Variants in HMG20B observed in about 807,000 individuals in gnomAD.
HMG20B encodes SWI/SNF-related matrix-associated actin-dependent regulator of chromatin subfamily E member 1-related.
Under a neutral mutation model 41.6 loss-of-function variants are expected in HMG20B, and 24 were observed. The ratio of observed to expected loss-of-function variants is 0.58; its 90% CI spans 0.42 to 0.81. HMG20B has a LOEUF of 0.81. Ranked by LOEUF, HMG20B falls within the 30% of genes least tolerant of loss-of-function variation. The pLI is 0.00. For synonymous variants in HMG20B, 251 were observed against 186.6 expected, an observed-to-expected ratio of 1.34 and a Z score of -2.81; for missense variants, 461 against 444.0, an observed-to-expected ratio of 1.04 and a Z score of -0.34.
chr19:3,578,861 C>G lies in HMG20B; in HGVS notation c.*340C>G, dbSNP rs969587304. The G allele has an allele frequency of 1.7e-6, 1 of 593,636 alleles. No homozygotes were observed. Among genetic ancestry groups the G allele is most frequent in the Non-Finnish European group, 3.2e-6 (1 of 315,042 alleles). The allele number at this position is 593,636 out of a possible 1,614,324, so 36.8% of individuals were successfully genotyped here. A position where few individuals can be genotyped will look rare whatever the true frequency, so the allele number is the denominator to read the frequency against. Reference sequence around the variant, plus strand: ...AACCCACCCCCAGCACACGGCAGGACCCCCCAAATTACTCACTACGGGGGG... The same window carrying G: ...AACCCACCCCCAGCACACGGCAGGAGCCCCCAAATTACTCACTACGGGGGG... On this transcript the variant is annotated 3_prime_UTR_variant, in exon 10 of 10. Coordinates refer to ENST00000333651, the MANE Select transcript of HMG20B (RefSeq NM_006339.3).
intron 7 of HMG20B, 84 bp from the exon 8 acceptor site, chr19:3,576,808 C>G: frequency 2.7e-6 from 4 of 1,464,458 alleles, no homozygotes; most frequent in Non-Finnish European, 2.8e-6. Context: ...TGAGGGAAAC[C>G]TGGGCAGGGG....
At chr19:3,578,444 C>A in intron 9 of HMG20B, 65 bp from the exon 10 acceptor site, 2 of 1,461,844 alleles carry the variant, frequency 1.4e-6, no homozygotes, top group South Asian at 2.9e-5. Context: ...CTGGGGTTCC[C>A]CAGGGCCGGG....
Position 3,578,023 on chromosome 19 carries a change from T to C in HMG20B, c.851T>C (p.Met284Thr), listed in dbSNP as rs1363664621. Residue 284 changes from methionine (M) to threonine (T), a missense_variant, in exon 9 of 10, where the codon ATG becomes ACG. Met to Thr is a moderately conservative substitution (Grantham distance 81, BLOSUM62 -1). Transcript: ENST00000333651. ...ACGCTGGGCACTCTGGACTTCTACA[T>C]GGCCCGGCTTCACGGAGCCATCGAG... ...TPTLGTLDFY[M>T]ARLHGAIERD... is the part of the protein sequence containing the mutation. 1 of 1,608,688 alleles carries C rather than the reference T, an allele frequency of 6.2e-7. No individual in the cohort carries two copies. Among genetic ancestry groups the C allele is most frequent in the East Asian group, 2.2e-5 (1 of 44,728 alleles).
chr19:3,578,509 C>G lies in HMG20B; in HGVS notation c.942C>G (p.Ser314Arg). The G allele has an allele frequency of 6.4e-7, 1 of 1,551,994 alleles. No individual in the cohort carries two copies. ...CCCGGGCCCTCCTCTCTCGTTTCAG[C>G]GAGCACCTGTGAGGAGTGGGCGGGC... is the stretch of plus-strand genomic sequence containing the variant. ...RIKEILAQVA[S>R]EHL Residue 314 changes from serine to arginine, a missense_variant and splice_region_variant, in exon 10 of 10, where the codon AGC becomes AGG. Ser to Arg is a moderately radical substitution (Grantham distance 110). Around this residue, in one of 3 missense-constraint regions of HMG20B, gnomAD observed 308 missense variants for 283.4 expected, o/e 1.09. Transcript: ENST00000333651.
intron 9 of HMG20B, 28 bp from the exon 10 acceptor site, chr19:3,578,481 C>T: frequency 6.6e-7 from 1 of 1,512,588 alleles, no homozygotes; most frequent in Non-Finnish European, 8.8e-7. Flanking sequence ...ATGAGGGCCT[C>T]ATCCCGGGCC....
chr19:3,575,535 C>T lies in HMG20B; in HGVS notation c.352-5C>T. The stretch of plus-strand genomic sequence containing the variant: ...TGCTTCAAGCCTTCTGGTGCTGCCC[C>T]CCAGCGGTACCTGGATGAGGCCGAG... On this transcript the variant is annotated splice_polypyrimidine_tract_variant and splice_region_variant and intron_variant, in intron 4 of 9. Coordinates refer to ENST00000333651, the MANE Select transcript of HMG20B (RefSeq NM_006339.3). 3 of 1,563,132 alleles carry T rather than the reference C, an allele frequency of 1.9e-6. No homozygotes were observed. Among genetic ancestry groups the T allele is most frequent in the South Asian group, 1.2e-5 (1 of 84,658 alleles).
chr19:3,574,262 T>C, intron 3 of HMG20B, 121 bp from the exon 4 acceptor site: 1 of 926,634 alleles, frequency 1.1e-6, no homozygotes, highest in Non-Finnish European at 1.6e-6. Context: ...TTCCGGGTTC[T>C]TCCTCCCAGC....
Position 3,576,626 on chromosome 19 carries a change from G to GT in HMG20B, c.592+2dup, listed in dbSNP as rs2032167337. 6.2e-7 allele frequency: 1 copy of GT among 1,612,378 alleles called. No homozygotes were observed. Among genetic ancestry groups the GT allele is most frequent in the Non-Finnish European group, 8.5e-7 (1 of 1,179,068 alleles). ...GAAGAGTTCTTGGACCAAAACAAAG[G>GT]TGAGCGGTAACTGCGCTCCTGATGC... On this transcript the variant is annotated splice_donor_variant, in intron 7 of 9. Coordinates refer to ENST00000333651, the MANE Select transcript of HMG20B (RefSeq NM_006339.3). LOFTEE classifies it high-confidence loss of function.
At position 3,575,682 on chromosome 19, in the gene HMG20B, G is replaced by A. The variant is rs2032142917; in HGVS notation, c.472+22G>A. ...AAAGGTGGGAGGGGTCGGGCGCGGT[G>A]GCTCACGCCTGTCATCCCAGCACTT... On this transcript the variant is annotated intron_variant, in intron 5 of 9. Coordinates refer to ENST00000333651, the MANE Select transcript of HMG20B (RefSeq NM_006339.3). The A allele has an allele frequency of 1.9e-6, 3 of 1,543,112 alleles. No homozygotes were observed. The Admixed American group carries it at 5.9e-5, about 30-fold the overall frequency.
chr19:3,576,408 G>A (rs2032163415), intron 6 of HMG20B, 101 bp downstream of exon 6: 3 of 1,390,482 alleles, frequency 2.2e-6, no homozygotes, highest in South Asian at 2.3e-5. Flanking sequence ...TGTGCAAGCA[G>A]GGGCGGTGCC....
At chr19:3,578,177 T>G in intron 9 of HMG20B, 64 bp downstream of exon 9, 1 of 1,574,930 alleles carries the variant, frequency 6.3e-7, no homozygotes, top group Non-Finnish European at 8.6e-7. Flanking sequence ...GCCCTGGGGT[T>G]CCCCAGGTCC....
chr19:3,577,167 C>T (rs2032184016), intron 8 of HMG20B, 60 bp downstream of exon 8: 3 of 1,161,424 alleles, frequency 2.6e-6, no homozygotes, highest in Non-Finnish European at 3.5e-6. Flanking sequence ...CCGCCTCCCC[C>T]CCCCTCCTCC....
intron 6 of HMG20B, 51 bp from the exon 7 acceptor site, chr19:3,576,502 C>G: frequency 6.6e-7 from 1 of 1,524,668 alleles, no homozygotes; most frequent in Non-Finnish European, 9.1e-7. Context: ...ACCCAGAGAG[C>G]GTGGCTGCCT....
Position 3,573,346 on chromosome 19 carries a change from G to T in HMG20B, c.37G>T (p.Ala13Ser). 6.5e-7 allele frequency: 1 copy of T among 1,536,658 alleles called. No homozygotes were observed. ...HGPKQPGAAA[A>S]PAGGKAPGQH... ...CCCCAAGCAGCCCGGCGCGGCCGCC[G>T]CGTGAGTGCACTGATCCCCTCCCCA... The change falls in exon 2 of 10, where the codon GCG becomes TCG. Residue 13 changes from alanine to serine, a missense_variant and splice_region_variant. Around this residue, in one of 3 missense-constraint regions of HMG20B, gnomAD observed 104 missense variants for 76.5 expected, o/e 1.36. Transcript: ENST00000333651.
chr19:3,574,095 A>G (rs899537312), intron 3 of HMG20B: 8 of 631,428 alleles, frequency 1.3e-5, no homozygotes, highest in South Asian at 8.6e-5. Context: ...CCAGCAGAAA[A>G]CCACGCCCAC....
Position 3,578,762 on chromosome 19 carries a change from G to T in HMG20B, c.*241G>T, listed in dbSNP as rs867446528. On this transcript the variant is annotated 3_prime_UTR_variant, in exon 10 of 10. Coordinates refer to ENST00000333651, the MANE Select transcript of HMG20B (RefSeq NM_006339.3). ...ACACCCAGAAGAACCTCACAGCCGA[G>T]GGTGCCCCTCCTCGGAGGACAGCCA... The T allele has an allele frequency of 4.0e-6, 3 of 754,054 alleles. No homozygotes were observed. Among genetic ancestry groups the T allele is most frequent in the South Asian group, 2.8e-5 (2 of 70,578 alleles). The allele number at this position is 754,054 out of a possible 1,614,324, so 46.7% of individuals were successfully genotyped here. A position where few individuals can be genotyped will look rare whatever the true frequency, so the allele number is the denominator to read the frequency against.
At chr19:3,574,607 A>C (rs2032118458) in intron 4 of HMG20B, 21 bp downstream of exon 4, 1 of 1,569,512 alleles carries the variant, frequency 6.4e-7, no homozygotes, top group Non-Finnish European at 8.6e-7. Flanking sequence ...CGGGGCGCCG[A>C]GCAGGGCTGG....
chr19:3,575,775 C>G (rs929658502), intron 5 of HMG20B, 115 bp downstream of exon 5: 2 of 861,750 alleles, frequency 2.3e-6, no homozygotes, highest in East Asian at 2.9e-5. Flanking sequence ...AACCCTCCCC[C>G]TCTACTAAAA....
rs1279828254 is a variant in HMG20B, at chr19:3,573,078, C to G, written c.-19+84C>G. 1.4e-5 allele frequency: 7 copies of G among 489,354 alleles called. No homozygotes were observed. In the Admixed American group the frequency reaches 2.2e-4, roughly 15 times the overall value. 30.3% of individuals were successfully genotyped at this position (489,354 alleles called of 1,614,324 possible). ...GGCCGGGCCGGGGTCTTTCCTGGCC[C>G]GGGGGAAACCGGCCCAGGCCTCCCG... On this transcript the variant is annotated intron_variant, in intron 1 of 9. Coordinates refer to ENST00000333651, the MANE Select transcript of HMG20B (RefSeq NM_006339.3).
Sources: gnomAD v4.1 joint callset for allele counts on GRCh38, gnomAD v4.1.1 for gene constraint, gnomAD v4.1.1 regional missense constraint, MANE v1.5 for transcripts, NCBI Gene and HGNC (gene_info 2026-07-23, HGNC 2026-07-21) for gene names.